GALNT13: variants seen among roughly 807,000 people sequenced by gnomAD.
The protein encoded by GALNT13 is UDP-GalNAc:polypeptide N-acetylgalactosaminyltransferase 13.
GALNT13 carries 28 observed loss-of-function variants against 64.2 expected under a neutral mutation model. That is an observed-to-expected ratio of 0.44 (90% CI 0.32 to 0.60). The LOEUF (loss-of-function observed/expected upper bound fraction) is 0.60, where lower values mean the gene tolerates loss of function less well. Ranked by LOEUF, GALNT13 falls within the 20% of genes least tolerant of loss-of-function variation. The pLI, the probability that GALNT13 is intolerant of heterozygous loss-of-function variation, is 0.05. For synonymous variants in GALNT13, 214 were observed against 224.6 expected, an observed-to-expected ratio of 0.95 and a Z score of 0.42; for missense variants, 577 against 669.8, an observed-to-expected ratio of 0.86 and a Z score of 1.53.
chr2:153,668,392 A>G, the GALNT13 span, among the ~76,000 whole-genome samples: 2 of 152,230 alleles, frequency 1.3e-5, no homozygotes, highest in Non-Finnish European at 2.9e-5. Flanking sequence ...AAAACTGGTC[A>G]TATGAACTGA....
At chr2:154,163,293 AAT>A (rs1341793964) in intron 4 of GALNT13, among the ~76,000 whole-genome samples, 1 of 151,936 alleles carries the variant, frequency 6.6e-6, no homozygotes, top group Non-Finnish European at 1.5e-5. Flanking sequence ...TCAAAAAATC[AAT>A]GAATCCAGGA....
chr2:153,922,268 A>G (rs1177479938), intron 2 of GALNT13, among the ~76,000 whole-genome samples: 2 of 152,148 alleles, frequency 1.3e-5, no homozygotes, highest in African/African-American at 2.4e-5. Flanking sequence ...AAATTAATAG[A>G]TAAGATACTT....
At chr2:153,121,142 G>A in the GALNT13 span, among the ~76,000 whole-genome samples, 2 of 152,286 alleles carry the variant, frequency 1.3e-5, no homozygotes, top group African/African-American at 4.8e-5. Context: ...CATTAGAAGA[G>A]TTTCATTTGA....
chr2:153,510,861 A>G, the GALNT13 span, among the ~76,000 whole-genome samples: 1 of 151,886 alleles, frequency 6.6e-6, no homozygotes, highest in African/African-American at 2.4e-5. Context: ...ACTGAAGAAA[A>G]TGTTTCTAGA....
intron 9 of GALNT13, among the ~76,000 whole-genome samples, chr2:154,310,693 T>G (rs1258815072): frequency 6.6e-6 from 1 of 152,116 alleles, no homozygotes; most frequent in Admixed American, 6.6e-5. Context: ...CCCAAGAGGA[T>G]ATTTCTGAGG....
chr2:153,874,074 T>TC (rs1171901852), intron 1 of GALNT13, among the ~76,000 whole-genome samples: 1 of 149,476 alleles, frequency 6.7e-6, no homozygotes, highest in Non-Finnish European at 1.5e-5. Context: ...AATCTTTCTT[T>TC]CCCCCCGCAC....
the GALNT13 span, among the ~76,000 whole-genome samples, chr2:153,220,496 C>T: frequency 1.7e-3 from 256 of 152,330 alleles, no homozygotes; most frequent in African/African-American, 5.7e-3. Flanking sequence ...AAACACACTG[C>T]GCATGCTCAC....
chr2:153,542,373 G>T, the GALNT13 span, among the ~76,000 whole-genome samples: 1 of 150,312 alleles, frequency 6.7e-6, no homozygotes, highest in African/African-American at 2.5e-5. Flanking sequence ...AAAAAAACCG[G>T]AAGTAGAAGC....
chr2:154,204,713 T>G (rs1440861769), intron 4 of GALNT13, among the ~76,000 whole-genome samples: 1 of 152,198 alleles, frequency 6.6e-6, no homozygotes, highest in African/African-American at 2.4e-5. Flanking sequence ...TATTTTTAGC[T>G]TCATTTTCTG....
At chr2:153,915,082 C>T (rs1689238684) in intron 2 of GALNT13, among the ~76,000 whole-genome samples, 1 of 152,118 alleles carries the variant, frequency 6.6e-6, no homozygotes, top group South Asian at 2.1e-4. Context: ...TGCTCTTCCC[C>T]CAGTGTTAGC....
chr2:153,589,333 T>C, the GALNT13 span, among the ~76,000 whole-genome samples: 4 of 152,270 alleles, frequency 2.6e-5, no homozygotes, highest in African/African-American at 9.6e-5. Context: ...CTGGCTTTCA[T>C]TGTCCATGTC....
At chr2:154,177,485 C>T (rs1356408887) in intron 4 of GALNT13, among the ~76,000 whole-genome samples, 1 of 152,132 alleles carries the variant, frequency 6.6e-6, no homozygotes, top group Non-Finnish European at 1.5e-5. Flanking sequence ...GGATACATGT[C>T]ATTATCCAAT....
chr2:153,482,616 T>G, the GALNT13 span, among the ~76,000 whole-genome samples: 1 of 152,150 alleles, frequency 6.6e-6, no homozygotes, highest in Non-Finnish European at 1.5e-5. Flanking sequence ...CTTACAGACA[T>G]GCACCACCAC....
the GALNT13 span, among the ~76,000 whole-genome samples, chr2:153,445,000 A>G: frequency 6.6e-6 from 1 of 152,172 alleles, no homozygotes; most frequent in African/African-American, 2.4e-5. Context: ...AAATTATTGC[A>G]TTTTTACATT....
intron 8 of GALNT13, among the ~76,000 whole-genome samples, chr2:154,296,162 C>T (rs1692912710): frequency 6.6e-6 from 1 of 152,158 alleles, no homozygotes; most frequent in Admixed American, 6.5e-5. Flanking sequence ...TGACTGAGGT[C>T]TTGTCCAGAT....
the GALNT13 span, among the ~76,000 whole-genome samples, chr2:153,731,227 G>T: frequency 1.3e-5 from 2 of 151,718 alleles, no homozygotes; most frequent in African/African-American, 4.8e-5. Flanking sequence ...GAAACTGGAG[G>T]CCATAATCCC....
chr2:153,372,626 C>A, the GALNT13 span, among the ~76,000 whole-genome samples: 1 of 149,564 alleles, frequency 6.7e-6, no homozygotes, highest in South Asian at 2.1e-4. Context: ...AGCCTGGTGA[C>A]AGAGCGAGAC....
intron 2 of GALNT13, among the ~76,000 whole-genome samples, chr2:153,943,498 TA>T (rs1476050143): frequency 4.0e-5 from 3 of 75,446 alleles, no homozygotes; most frequent in African/African-American, 1.3e-4. Context: ...CGTATGTATG[TA>T]TTTTTTTTTT....
the GALNT13 span, among the ~76,000 whole-genome samples, chr2:153,795,076 G>C: frequency 6.6e-6 from 1 of 152,140 alleles, no homozygotes; most frequent in African/African-American, 2.4e-5. Context: ...CAGCTGAGCC[G>C]GGGAGGGTGG....
Sources: gnomAD v4.1 joint callset for allele counts (sites outside exome capture counted in the v4.1 genomes callset) on GRCh38, gnomAD v4.1.1 for gene constraint, MANE v1.5 for transcripts, NCBI Gene and HGNC (gene_info 2026-07-23, HGNC 2026-07-21) for gene names.